SARDH: variants seen among roughly 807,000 people sequenced by gnomAD.
SARDH encodes the protein sarcosine dehydrogenase, mitochondrial.
SARDH carries 95 observed loss-of-function variants against 109.1 expected under a neutral mutation model. That is an observed-to-expected ratio of 0.87 (90% CI 0.74 to 1.03). The LOEUF (loss-of-function observed/expected upper bound fraction) is 1.03. Ranked by LOEUF, SARDH falls within the 50% of genes least tolerant of loss-of-function variation. The pLI is 0.00. For missense variants in SARDH, 1,267 were observed against 1,287.8 expected, an observed-to-expected ratio of 0.98 and a Z score of 0.25; for synonymous variants, 572 against 534.8, an observed-to-expected ratio of 1.07 and a Z score of -0.96.
At chr9:133,715,012 A>G (rs943102488) in intron 8 of SARDH, among the ~76,000 whole-genome samples, 2 of 152,194 alleles carry the variant, frequency 1.3e-5, no homozygotes, top group African/African-American at 2.4e-5. Flanking sequence ...CCGAGGACAC[A>G]TGGGACCTCC....
At chr9:133,667,667 A>G (rs1031831602) in intron 19 of SARDH, among the ~76,000 whole-genome samples, 6 of 151,968 alleles carry the variant, frequency 3.9e-5, no homozygotes, top group Non-Finnish European at 5.9e-5. Context: ...TCCCTGTGCA[A>G]TGGGTTATCA....
At chr9:133,737,995 G>C (rs1435825450) in intron 1 of SARDH, among the ~76,000 whole-genome samples, 6 of 152,226 alleles carry the variant, frequency 3.9e-5, no homozygotes, top group Admixed American at 3.3e-4. Flanking sequence ...CCTCCTCCCA[G>C]GCTCAGGGGG....
chr9:133,671,597 CCCGCGGCCATCACA>C lies in SARDH; in HGVS notation c.2250_2263del (p.Val751CysfsTer19). The C allele has an allele frequency of 6.2e-7, 1 of 1,605,634 alleles. No homozygotes were observed. The highest frequency in any genetic ancestry group is 1.1e-5 in the South Asian group (1 of 89,506). On this transcript the variant is annotated frameshift_variant, in exon 18 of 21. Transcript: ENST00000439388. LOFTEE classifies it high-confidence loss of function. ...TGCGTTGATGAGGCCGTGCTTGGCA[CCCGCGGCCATCACA>C]GCCCGGTACACAGGCACGCAGGACG...
chr9:133,675,785 G>A (rs1270818057), intron 17 of SARDH, among the ~76,000 whole-genome samples: 1 of 152,180 alleles, frequency 6.6e-6, no homozygotes, highest in Non-Finnish European at 1.5e-5. Flanking sequence ...TGCAACCCAA[G>A]TGTCCATCAG....
chr9:133,718,929 G>C lies in SARDH; in HGVS notation c.1020+9C>G, dbSNP rs755133316. 7 of 1,602,912 alleles carry C rather than the reference G, an allele frequency of 4.4e-6. No homozygotes were observed. In the South Asian group the frequency reaches 7.7e-5, roughly 18 times the overall value. On this transcript the variant is annotated intron_variant, in intron 7 of 20. Coordinates refer to ENST00000439388, the MANE Select transcript of SARDH (RefSeq NM_001134707.2). This position sits in a 1 kb window ranked among gnomAD's most constrained non-coding sequence, Gnocchi z 4.2. Reference sequence around the variant, plus strand: ...TCCCTCCCATTATCCCAGGGCCCTGGCATCTTACCTCCTCCCAAAAGATGG... The same window carrying C: ...TCCCTCCCATTATCCCAGGGCCCTGCCATCTTACCTCCTCCCAAAAGATGG...
intron 13 of SARDH, among the ~76,000 whole-genome samples, chr9:133,701,451 C>T (rs942340832): frequency 1.3e-5 from 2 of 152,262 alleles, no homozygotes; most frequent in African/African-American, 4.8e-5. Context: ...CAGCAGCCTC[C>T]CGCGCTGGGC....
chr9:133,720,788 G>A (rs1042890618), intron 6 of SARDH, among the ~76,000 whole-genome samples: 3 of 152,130 alleles, frequency 2.0e-5, no homozygotes, highest in Non-Finnish European at 1.5e-5. Flanking sequence ...TGACACATGG[G>A]GATTATTACG....
intron 6 of SARDH, among the ~76,000 whole-genome samples, chr9:133,727,136 G>A (rs993029889): frequency 1.1e-4 from 16 of 152,152 alleles, no homozygotes; most frequent in Admixed American, 7.2e-4. Flanking sequence ...AACAGCGCCC[G>A]AGCCACCTGC....
At chr9:133,732,021 G>A (rs947662715) in intron 3 of SARDH, among the ~76,000 whole-genome samples, 17 of 152,154 alleles carry the variant, frequency 1.1e-4, no homozygotes, top group Non-Finnish European at 2.1e-4. Context: ...GGGAGAAGCT[G>A]GGCCAATCAG....
intron 3 of SARDH, among the ~76,000 whole-genome samples, chr9:133,732,124 G>T (rs1012982037): frequency 6.6e-6 from 1 of 152,156 alleles, no homozygotes. Context: ...CTGGAACCCA[G>T]ATCTGTCACC....
At chr9:133,697,137 A>C (rs1212258103) in intron 13 of SARDH, among the ~76,000 whole-genome samples, 1 of 152,220 alleles carries the variant, frequency 6.6e-6, no homozygotes, top group Non-Finnish European at 1.5e-5. Context: ...ACCCCACAGA[A>C]ATAAAAGGGA....
intron 2 of SARDH, 124 bp from the exon 3 acceptor site, chr9:133,732,725 G>C: frequency 1.8e-6 from 2 of 1,102,368 alleles, no homozygotes; most frequent in Non-Finnish European, 2.5e-6. Flanking sequence ...GTCTTTCTCT[G>C]CAGGACCTGG....
At chr9:133,715,931 G>A (rs1832104522) in intron 8 of SARDH, among the ~76,000 whole-genome samples, 1 of 152,230 alleles carries the variant, frequency 6.6e-6, no homozygotes, top group Non-Finnish European at 1.5e-5. Flanking sequence ...TTCCCTGGGG[G>A]CAACACTGTG....
At chr9:133,734,440 C>CTCAT (rs3081200) in intron 1 of SARDH, among the ~76,000 whole-genome samples, 44 of 102,134 alleles carry the variant, frequency 4.3e-4, no homozygotes, top group South Asian at 1.8e-3. Flanking sequence ...CATTCATTCA[C>CTCAT]TCATTCATTC....
At chr9:133,671,421 A>G in intron 18 of SARDH, 114 bp downstream of exon 18, 1 of 1,313,484 alleles carries the variant, frequency 7.6e-7, no homozygotes, top group Non-Finnish European at 1.0e-6. Context: ...GAAAGAAGGA[A>G]GCCGGGTGAC....
At chr9:133,734,428 CTCATTCATTCACTCATTCATTCATTCAT>C (rs1564304323) in intron 1 of SARDH, among the ~76,000 whole-genome samples, 2,398 of 142,976 alleles carry the variant, frequency 0.017, 76 homozygotes, top group African/African-American at 0.061. Context: ...CATTCATTCA[CTCATTCATTCACTCATTCATTCATTCAT>C]TCACTCATTC....
At chr9:133,700,099 G>A (rs1451373615) in intron 13 of SARDH, among the ~76,000 whole-genome samples, 1 of 152,218 alleles carries the variant, frequency 6.6e-6, no homozygotes, top group Non-Finnish European at 1.5e-5. Context: ...GGCCAAGGCA[G>A]GTGGATCACC....
At chr9:133,683,480 G>C (rs1182598142) in intron 17 of SARDH, among the ~76,000 whole-genome samples, 1 of 152,310 alleles carries the variant, frequency 6.6e-6, no homozygotes, top group Non-Finnish European at 1.5e-5. Context: ...CGTGGACCCC[G>C]GCCTGCTGGA....
intron 7 of SARDH, 150 bp from the exon 8 acceptor site, chr9:133,717,605 T>G (rs1489003785): frequency 8.3e-7 from 1 of 1,203,300 alleles, no homozygotes; most frequent in African/African-American, 1.5e-5. Flanking sequence ...CCCAGCCGTT[T>G]GTCTCCCCCA....
Sources: allele counts gnomAD v4.1 joint callset (sites outside exome capture counted in the v4.1 genomes callset), GRCh38; gene constraint gnomAD v4.1.1; non-coding constraint Gnocchi (gnomAD v3.1); transcripts MANE v1.5; gene names NCBI Gene and HGNC (gene_info 2026-07-23, HGNC 2026-07-21).